The following CD99 variants were observed in gnomAD, a reference collection of about 807,000 sequenced individuals.
CD99 encodes CD99 molecule (Xg blood group).
In CD99, 19 loss-of-function variants were observed where a neutral mutation model predicts 28.4. The observed-to-expected ratio is 0.67, with a 90% confidence interval of 0.47 to 0.98. The LOEUF (loss-of-function observed/expected upper bound fraction) is 0.98. Among genes scored for constraint, CD99 ranks in the 50% least tolerant of loss-of-function variants. CD99 has a pLI of 0.00. For synonymous variants in CD99, 103 were observed against 92.1 expected, an observed-to-expected ratio of 1.12 and a Z score of -0.67; for missense variants, 283 against 248.8, an observed-to-expected ratio of 1.14 and a Z score of -0.92.
rs1009413487 is a variant in CD99 at position 2,726,378 on chromosome X, G to A, written c.475+5G>A. On this transcript the variant is annotated splice_donor_5th_base_variant and intron_variant, in intron 8 of 9. Transcript: ENST00000381192. ...AGCTATGCTTCAAAGAAAATGGTAA[G>A]TCTCAGTCCGCCGGTGCCTCTCCTT... 3.9e-6 allele frequency: 6 copies of A among 1,557,570 alleles called. No individual in the cohort carries two copies. In the African/African-American group the frequency reaches 6.8e-5, roughly 18 times the overall value.
intron 5 of CD99, among the ~76,000 whole-genome samples, chrX:2,720,637 T>C (rs2048950352): frequency 6.9e-6 from 1 of 145,926 alleles, no homozygotes; most frequent in Admixed American, 6.8e-5. Context: ...TTTTTTTTTT[T>C]TTTTTGAGAC....
At chrX:2,694,509 T>C (rs1041902698) in intron 1 of CD99, among the ~76,000 whole-genome samples, 4 of 77,414 alleles carry the variant, frequency 5.2e-5, no homozygotes, top group African/African-American at 2.1e-4. Context: ...CCCAGCACTT[T>C]GAGAGGCCGA....
chrX:2,712,335 A>C (rs1284436011), intron 1 of CD99, among the ~76,000 whole-genome samples: 1 of 152,140 alleles, frequency 6.6e-6, no homozygotes, highest in African/African-American at 2.4e-5. Context: ...GGTTAGTAAG[A>C]ATGCGTTGCA....
chrX:2,699,758 T>A (rs2047758150), intron 1 of CD99, among the ~76,000 whole-genome samples: 1 of 152,158 alleles, frequency 6.6e-6, no homozygotes, highest in South Asian at 2.1e-4. Context: ...CATCCCGCTA[T>A]TAGGAATTTT....
At chrX:2,712,215 G>A (rs777327663) in intron 1 of CD99, among the ~76,000 whole-genome samples, 76 of 152,210 alleles carry the variant, frequency 5.0e-4, no homozygotes, top group Non-Finnish European at 9.3e-4. Context: ...GTGACCAAGG[G>A]GTTGGGAGTG....
chrX:2,691,520 G>T, intron 1 of CD99, 93 bp downstream of exon 1: 1 of 1,372,628 alleles, frequency 7.3e-7, no homozygotes. Flanking sequence ...GGCGCCCCGC[G>T]GGGACACCCG....
intron 8 of CD99, chrX:2,727,145 A>G: frequency 1.5e-6 from 1 of 683,808 alleles, no homozygotes; most frequent in Non-Finnish European, 2.7e-6. Flanking sequence ...TCAAAAAACA[A>G]AACAAAACAA....
At chrX:2,717,456 CT>C (rs1274726167) in intron 2 of CD99, 148 bp from the exon 3 acceptor site, 2 of 667,806 alleles carry the variant, frequency 3.0e-6, no homozygotes, top group African/African-American at 1.8e-5. Flanking sequence ...TTGTATAAAC[CT>C]CAGCTCGGTG....
chrX:2,726,458 G>T (rs756489910), intron 8 of CD99, 85 bp downstream of exon 8: 6 of 872,372 alleles, frequency 6.9e-6, no homozygotes, highest in Non-Finnish European at 1.2e-5. Flanking sequence ...AACCAAACTC[G>T]GGCTGGCACG....
At chrX:2,717,890 G>T in intron 3 of CD99, 1 of 541,562 alleles carries the variant, frequency 1.8e-6, no homozygotes, top group Non-Finnish European at 3.3e-6. Context: ...ATCTCTGTGT[G>T]CTTTTATTCT....
At chrX:2,694,617 G>A (rs1011902997) in intron 1 of CD99, among the ~76,000 whole-genome samples, 23 of 152,054 alleles carry the variant, frequency 1.5e-4, no homozygotes, top group Admixed American at 8.5e-4. Flanking sequence ...GCCGGGCGTG[G>A]TGGTGAGCGC....
intron 1 of CD99, among the ~76,000 whole-genome samples, chrX:2,712,524 T>C (rs1203484688): frequency 6.6e-6 from 1 of 152,138 alleles, no homozygotes; most frequent in Non-Finnish European, 1.5e-5. Flanking sequence ...ACCTGCCTTA[T>C]GGTTTATTCT....
At chrX:2,723,289 T>G (rs1344208436) in intron 6 of CD99, 25 bp from the exon 7 acceptor site, 2 of 1,613,804 alleles carry the variant, frequency 1.2e-6, no homozygotes, top group Admixed American at 3.3e-5. Flanking sequence ...ACCTTCCCAT[T>G]GCAGACGTTG....
chrX:2,738,310 T>A, intron 9 of CD99, 54 bp downstream of exon 9: 1 of 1,527,238 alleles, frequency 6.5e-7, no homozygotes, highest in Non-Finnish European at 9.1e-7. Context: ...TCCCATTTTA[T>A]CTTCTCCATC....
intron 1 of CD99, among the ~76,000 whole-genome samples, chrX:2,713,708 C>T (rs977061014): frequency 3.9e-5 from 6 of 152,142 alleles, no homozygotes; most frequent in African/African-American, 9.7e-5. Flanking sequence ...TGCTTCCTGA[C>T]GGTTGAGAGA....
At chrX:2,700,737 C>T (rs1430253212) in intron 1 of CD99, among the ~76,000 whole-genome samples, 1 of 151,968 alleles carries the variant, frequency 6.6e-6, no homozygotes, top group Admixed American at 6.6e-5. Flanking sequence ...CCACCATCCA[C>T]TCATCTATCC....
At chrX:2,726,822 C>T (rs375846849) in intron 8 of CD99, among the ~76,000 whole-genome samples, 30 of 141,342 alleles carry the variant, frequency 2.1e-4, no homozygotes, top group African/African-American at 9.6e-4. Context: ...GGTCCTTTCT[C>T]CACTGAGAGT....
At chrX:2,740,210 C>A (rs1253456725) in intron 9 of CD99, among the ~76,000 whole-genome samples, 1 of 152,076 alleles carries the variant, frequency 6.6e-6, no homozygotes, top group Non-Finnish European at 1.5e-5. Flanking sequence ...TTCCTTCTGC[C>A]CACTGCAATG....
intron 1 of CD99, among the ~76,000 whole-genome samples, chrX:2,693,691 C>A (rs2047439847): frequency 6.6e-6 from 1 of 151,962 alleles, no homozygotes; most frequent in African/African-American, 2.4e-5. Flanking sequence ...ACCCTGTGTT[C>A]CTTGGTTCCT....
Sources: allele counts gnomAD v4.1 joint callset (sites outside exome capture counted in the v4.1 genomes callset), GRCh38; gene constraint gnomAD v4.1.1; transcripts MANE v1.5; gene names NCBI Gene and HGNC (gene_info 2026-07-23, HGNC 2026-07-21).